Variants in ULK4 observed in about 807,000 individuals in gnomAD.
The protein encoded by ULK4 is unc-51 like kinase 4, also known as inactive serine/threonine-protein kinase ULK4.
Under a neutral mutation model 160.6 loss-of-function variants are expected in ULK4, and 133 were observed. That is an observed-to-expected ratio of 0.83 (90% confidence interval 0.72 to 0.96). The LOEUF (loss-of-function observed/expected upper bound fraction) is 0.96, where lower values mean the gene tolerates loss of function less well. ULK4 is among the 40% of genes least tolerant of loss of function. The probability of loss-of-function intolerance (pLI) is 0.00; values close to 1 mark genes in which losing one functional copy is unlikely to be tolerated. For missense variants in ULK4, 1,580 were observed against 1,499.5 expected (o/e 1.05, Z -0.89); for synonymous variants, 534 against 539.8 (o/e 0.99, Z 0.15).
At chr3:41,842,444 T>C (rs893533743) in intron 17 of ULK4, among the ~76,000 whole-genome samples, 2 of 152,226 alleles carry the variant, frequency 1.3e-5, no homozygotes, top group Admixed American at 1.3e-4. Flanking sequence ...TGAAATCTGA[T>C]CCCCAGTGTT....
intron 35 of ULK4, among the ~76,000 whole-genome samples, chr3:41,278,463 G>A (rs2079274527): frequency 6.6e-6 from 1 of 152,170 alleles, no homozygotes; most frequent in African/African-American, 2.4e-5. Flanking sequence ...CATGGCATTC[G>A]AGCTCTGAGA....
intron 35 of ULK4, among the ~76,000 whole-genome samples, chr3:41,365,756 C>T (rs1378281043): frequency 3.9e-5 from 6 of 152,114 alleles, no homozygotes. Context: ...ATGAGTGTTT[C>T]ATTGCAAATA....
intron 34 of ULK4, among the ~76,000 whole-genome samples, chr3:41,430,743 CAAAA>C (rs1169899829): frequency 6.6e-6 from 1 of 152,074 alleles, no homozygotes; most frequent in African/African-American, 2.4e-5. Flanking sequence ...TTAAACAAAA[CAAAA>C]AAGCCAAACA....
intron 32 of ULK4, among the ~76,000 whole-genome samples, chr3:41,485,410 C>A (rs531118236): frequency 6.6e-6 from 1 of 152,098 alleles, no homozygotes; most frequent in Admixed American, 6.5e-5. Flanking sequence ...CCCCCAACTA[C>A]AGAAATATAG....
chr3:41,845,492 A>G (rs557571332), intron 17 of ULK4, among the ~76,000 whole-genome samples: 1 of 152,300 alleles, frequency 6.6e-6, no homozygotes, highest in Non-Finnish European at 1.5e-5. Flanking sequence ...TATAAATGGA[A>G]AACAGATTGG....
rs7645025 is a variant in ULK4 at position 41,389,686 on chromosome 3, C to T, written c.3678+8393G>A. ...TGCTGGATTATGTTTATTGATTTGC[C>T]TATGTTGAACCAGCCTTGCATCTCA... is the stretch of plus-strand genomic sequence containing the variant. On this transcript the variant is annotated intron_variant, in intron 35 of 36. Transcript: ENST00000301831. Among the ~76,000 whole-genome samples, 446 of 152,062 alleles carry T rather than the reference C, an allele frequency of 2.9e-3. 4 individuals carry two copies. The highest frequency in any genetic ancestry group is 9.5e-3 in the African/African-American group (396 of 41,482).
At chr3:41,673,646 G>T (rs2035609407) in intron 29 of ULK4, among the ~76,000 whole-genome samples, 1 of 151,822 alleles carries the variant, frequency 6.6e-6, no homozygotes, top group African/African-American at 2.4e-5. Flanking sequence ...ATATCAGCAT[G>T]ATCTCTTTTC....
At chr3:41,755,463 C>A (rs2038768096) in intron 21 of ULK4, among the ~76,000 whole-genome samples, 1 of 151,984 alleles carries the variant, frequency 6.6e-6, no homozygotes, top group South Asian at 2.1e-4. Context: ...TTATTTATCT[C>A]AGGTAAAAAA....
At chr3:41,835,507 G>A (rs1255641321) in intron 18 of ULK4, among the ~76,000 whole-genome samples, 1 of 152,164 alleles carries the variant, frequency 6.6e-6, no homozygotes, top group African/African-American at 2.4e-5. Context: ...AAACTGAAAT[G>A]GAGCTTTCCA....
At chr3:41,488,992 C>T (rs1246251710) in intron 32 of ULK4, among the ~76,000 whole-genome samples, 1 of 152,066 alleles carries the variant, frequency 6.6e-6, no homozygotes, top group Admixed American at 6.5e-5. Context: ...TGGTGAGCAC[C>T]CCTCCCACTG....
chr3:41,836,866 G>C (rs1359567461), intron 17 of ULK4, among the ~76,000 whole-genome samples: 1 of 152,016 alleles, frequency 6.6e-6, no homozygotes, highest in South Asian at 2.1e-4. Flanking sequence ...CCAGAACACA[G>C]GTTAATCAAA....
intron 32 of ULK4, among the ~76,000 whole-genome samples, chr3:41,562,827 G>A (rs550417801): frequency 1.3e-4 from 20 of 152,216 alleles, no homozygotes; most frequent in African/African-American, 4.1e-4. Context: ...TTGCCAGTCT[G>A]TGTCTTTCAA....
intron 34 of ULK4, among the ~76,000 whole-genome samples, chr3:41,437,905 T>C (rs1218255442): frequency 6.6e-6 from 1 of 152,158 alleles, no homozygotes; most frequent in Admixed American, 6.5e-5. Flanking sequence ...AATTAGAACC[T>C]GGAGGAAGAG....
intron 11 of ULK4, among the ~76,000 whole-genome samples, chr3:41,909,548 T>C (rs1385209249): frequency 5.8e-5 from 2 of 34,282 alleles, no homozygotes; most frequent in African/African-American, 7.1e-5. Context: ...CCATCTCTAC[T>C]AAAAATACAA....
At chr3:41,637,881 T>C (rs570709518) in intron 30 of ULK4, among the ~76,000 whole-genome samples, 3 of 152,320 alleles carry the variant, frequency 2.0e-5, no homozygotes, top group East Asian at 1.9e-4. Context: ...CATTTTATCA[T>C]TGGGTTGGTT....
At chr3:41,253,438 T>A (rs1250043480) in intron 35 of ULK4, among the ~76,000 whole-genome samples, 1 of 151,852 alleles carries the variant, frequency 6.6e-6, no homozygotes, top group African/African-American at 2.4e-5. Flanking sequence ...GGTAAAATAT[T>A]GTCATAAGTA....
chr3:41,577,046 AATGGG>A (rs1188015166), intron 31 of ULK4, among the ~76,000 whole-genome samples: 3 of 152,234 alleles, frequency 2.0e-5, no homozygotes, highest in African/African-American at 7.2e-5. Flanking sequence ...AATTTTTCCT[AATGGG>A]AGTTTACCAA....
At chr3:41,276,490 CATGTG>C (rs1553637885) in intron 35 of ULK4, among the ~76,000 whole-genome samples, 1 of 152,174 alleles carries the variant, frequency 6.6e-6, no homozygotes, top group Non-Finnish European at 1.5e-5. Flanking sequence ...AGGATAAAAA[CATGTG>C]ATAGAAAAAG....
At chr3:41,939,559 T>TGTA (rs1553689974) in intron 2 of ULK4, among the ~76,000 whole-genome samples, 3 of 152,000 alleles carry the variant, frequency 2.0e-5, no homozygotes, top group Admixed American at 2.0e-4. Context: ...GTATTATTTT[T>TGTA]ATATTTAAAA....
Sources: allele counts gnomAD v4.1 joint callset (sites outside exome capture counted in the v4.1 genomes callset), GRCh38; gene constraint gnomAD v4.1.1; transcripts MANE v1.5; gene names NCBI Gene and HGNC (gene_info 2026-07-23, HGNC 2026-07-21).